MAP2K2: variants seen among roughly 807,000 people sequenced by gnomAD.
The protein encoded by MAP2K2 is mitogen-activated protein kinase kinase 2.
In MAP2K2, 24 loss-of-function variants were observed where a neutral mutation model predicts 43.7. The observed-to-expected ratio is 0.55, with a 90% CI of 0.40 to 0.77. The LOEUF is 0.77. MAP2K2 is among the 30% of genes least tolerant of loss of function. MAP2K2 has a pLI of 0.00. For synonymous variants in MAP2K2, 244 were observed against 239.7 expected (o/e 1.02, Z -0.17); for missense variants, 470 against 566.8 (o/e 0.83, Z 1.73).
At chr19:4,117,665 A>T in intron 1 of MAP2K2, 36 bp from the exon 2 acceptor site, 3 of 1,589,402 alleles carry the variant, frequency 1.9e-6, no homozygotes. Context: ...TTAGCTACCT[A>T]GGGAGACTCC....
intron 2 of MAP2K2, among the ~76,000 whole-genome samples, chr19:4,114,707 G>C (rs546815446): frequency 1.1e-4 from 17 of 152,152 alleles, no homozygotes; most frequent in Non-Finnish European, 2.4e-4. Flanking sequence ...CCAGCAATCT[G>C]GGAGGCCAAG....
At chr19:4,099,076 C>T (rs778954312) in intron 7 of MAP2K2, 125 bp downstream of exon 7, 5 of 804,632 alleles carry the variant, frequency 6.2e-6, no homozygotes, top group Middle Eastern at 3.5e-4. Context: ...TGACCACAGT[C>T]GGCACCATCC....
Position 4,099,219 on chromosome 19 carries a change from G to C in MAP2K2, c.901C>G (p.Pro301Ala), listed in dbSNP as rs532266535. The C allele has an allele frequency of 1.1e-5, 18 of 1,603,840 alleles. No homozygotes were observed. The highest frequency in any genetic ancestry group is 1.4e-5 in the Non-Finnish European group (16 of 1,176,008). ...GCCGTACCGCTGACGGGGCGCCCGGGGGGCCTCGGCCGAGGCGAGATGCTG... is the reference window on the plus strand; with the variant it reads ...GCCGTACCGCTGACGGGGCGCCCGGCGGGCCTCGGCCGAGGCGAGATGCTG... Reference protein sequence around the residue: ...PHSISPRPRPPGRPVSGHGMD... With the variant: ...PHSISPRPRPAGRPVSGHGMD... The change falls in exon 7 of 11, where the codon CCC becomes GCC. Residue 301 changes from proline (P) to alanine (A), a missense_variant. Pro to Ala is a conservative substitution (Grantham distance 27). Around this residue, in one of 3 missense-constraint regions of MAP2K2, gnomAD observed 212 missense variants for 220.8 expected, o/e 0.96. Transcript: ENST00000262948.
chr19:4,109,457 G>C (rs944669982), intron 3 of MAP2K2, among the ~76,000 whole-genome samples: 1 of 152,156 alleles, frequency 6.6e-6, no homozygotes, highest in African/African-American at 2.4e-5. Flanking sequence ...GTTATGTTTT[G>C]AGACAGCATC....
At chr19:4,120,008 C>A (rs569462211) in intron 1 of MAP2K2, among the ~76,000 whole-genome samples, 4 of 152,396 alleles carry the variant, frequency 2.6e-5, no homozygotes, top group African/African-American at 9.6e-5. Flanking sequence ...GGGGCCTGGG[C>A]ACCGCTTCCT....
chr19:4,095,009 G>T, intron 9 of MAP2K2: 1 of 360,932 alleles, frequency 2.8e-6, no homozygotes, highest in Non-Finnish European at 5.2e-6. Flanking sequence ...GTGCTTGGGG[G>T]CAGGAGAATG....
At chr19:4,095,223 C>T in intron 9 of MAP2K2, 165 bp downstream of exon 9, 1 of 631,902 alleles carries the variant, frequency 1.6e-6, no homozygotes, top group Non-Finnish European at 2.8e-6. Flanking sequence ...GCTGCAGCCC[C>T]ACAGCTCTGG....
rs2041209905 is a variant in MAP2K2, at chr19:4,115,560, C to G, written c.303+1859G>C. On this transcript the variant is annotated intron_variant, in intron 2 of 10. Transcript: ENST00000262948. This position sits in a 1 kb window ranked among gnomAD's most constrained non-coding sequence, Gnocchi z 4.1. ...GGCGGACCTGAGCTTTCCAAGGCTGCTCCGGTTTGGAAGAGGCTGCCTGCA... is the reference window on the plus strand; with the variant it reads ...GGCGGACCTGAGCTTTCCAAGGCTGGTCCGGTTTGGAAGAGGCTGCCTGCA... Among the ~76,000 whole-genome samples the G allele has an allele frequency of 6.6e-6, 1 of 152,184 alleles. No homozygotes were observed. Among genetic ancestry groups the G allele is most frequent in the African/African-American group, 2.4e-5 (1 of 41,438 alleles).
At chr19:4,118,454 T>A (rs529151440) in intron 1 of MAP2K2, among the ~76,000 whole-genome samples, 1 of 151,992 alleles carries the variant, frequency 6.6e-6, no homozygotes, top group Non-Finnish European at 1.5e-5. Context: ...TGGTGCACGT[T>A]TGCAGTCCCA....
chr19:4,097,352 G>A lies in MAP2K2; in HGVS notation c.920-9C>T. The A allele has an allele frequency of 6.2e-7, 1 of 1,610,106 alleles. No homozygotes were observed. The highest frequency in any genetic ancestry group is 8.5e-7 in the Non-Finnish European group (1 of 1,177,268). The stretch of plus-strand genomic sequence containing the variant: ...GCTATCCATCCCGTGACCTGCACAG[G>A]GAGAGAGATGGAGGTGAGATGGGCC... On this transcript the variant is annotated splice_polypyrimidine_tract_variant and intron_variant, in intron 7 of 10. Transcript: ENST00000262948.
intron 3 of MAP2K2, among the ~76,000 whole-genome samples, chr19:4,105,678 T>C (rs2041077412): frequency 6.6e-6 from 1 of 152,144 alleles, no homozygotes; most frequent in South Asian, 2.1e-4. Context: ...CAGATCTTTC[T>C]TCATCTCTCT....
At chr19:4,103,910 G>A (rs12983193) in intron 3 of MAP2K2, among the ~76,000 whole-genome samples, 25,673 of 152,166 alleles carry the variant, frequency 0.17, 2,535 homozygotes, top group East Asian at 0.28. Flanking sequence ...CCAGGGCCAG[G>A]TGGAAGCTGC....
Position 4,090,685 on chromosome 19 carries a change from G to A in MAP2K2, c.1116C>T (p.Ser372=), listed in dbSNP as rs772111297. 8.3e-6 allele frequency: 13 copies of A among 1,558,902 alleles called. No homozygotes were observed. Among genetic ancestry groups the A allele is most frequent in the South Asian group, 2.4e-5 (2 of 84,682 alleles). ...MLTNHTFIKR[S]EVEEVDFAGW... is the part of the protein sequence containing the mutation. ...CGGCAAAATCCACTTCTTCCACCTC[G>A]GACCGCTTGATGAAGGTGTGGTTCT... The change falls in exon 11 of 11, where the codon TCC becomes TCT. Residue 372 remains serine, a synonymous_variant. Coordinates refer to ENST00000262948, the MANE Select transcript of MAP2K2 (RefSeq NM_030662.4).
intron 10 of MAP2K2, among the ~76,000 whole-genome samples, chr19:4,091,945 G>A (rs1212303121): frequency 1.3e-5 from 2 of 152,154 alleles, no homozygotes; most frequent in East Asian, 1.9e-4. Context: ...CACTGTGCCC[G>A]GCCCCACTGA....
At chr19:4,095,361 G>A (rs970893474) in intron 9 of MAP2K2, 27 bp downstream of exon 9, 2 of 1,549,204 alleles carry the variant, frequency 1.3e-6, no homozygotes, top group East Asian at 4.9e-5. Flanking sequence ...TCCCGGCCAG[G>A]GGTGTGGGCA....
At chr19:4,107,539 A>C (rs1476655010) in intron 3 of MAP2K2, among the ~76,000 whole-genome samples, 5 of 151,124 alleles carry the variant, frequency 3.3e-5, no homozygotes, top group South Asian at 2.1e-4. Flanking sequence ...AAAAAAAAAA[A>C]AAAAAAACAA....
At chr19:4,107,915 G>A (rs555128716) in intron 3 of MAP2K2, among the ~76,000 whole-genome samples, 13 of 152,282 alleles carry the variant, frequency 8.5e-5, no homozygotes, top group South Asian at 4.1e-4. Flanking sequence ...CAGCAGAAGC[G>A]GCAAGAGTCC....
At chr19:4,120,366 T>C (rs1318750079) in intron 1 of MAP2K2, among the ~76,000 whole-genome samples, 1 of 152,144 alleles carries the variant, frequency 6.6e-6, no homozygotes, top group East Asian at 1.9e-4. Flanking sequence ...CAGGCTGGAG[T>C]GCACTGGCAC....
chr19:4,102,278 C>A, intron 4 of MAP2K2, 98 bp downstream of exon 4: 1 of 1,060,544 alleles, frequency 9.4e-7, no homozygotes, highest in Non-Finnish European at 1.4e-6. Context: ...CCACCCTAAC[C>A]CCCACCACAC....
Sources: allele counts gnomAD v4.1 joint callset (sites outside exome capture counted in the v4.1 genomes callset), GRCh38; gene constraint gnomAD v4.1.1; regional missense constraint gnomAD v4.1.1; non-coding constraint Gnocchi (gnomAD v3.1); transcripts MANE v1.5; gene names NCBI Gene and HGNC (gene_info 2026-07-23, HGNC 2026-07-21).